Variants in CCSER1 observed in about 807,000 individuals in gnomAD.
The protein encoded by CCSER1 is coiled-coil serine rich protein 1, also known as serine-rich coiled-coil domain-containing protein 1.
In CCSER1, 41 loss-of-function variants were observed where a neutral mutation model predicts 82.0. The observed-to-expected ratio is 0.50, with a 90% CI of 0.39 to 0.65. CCSER1 has a LOEUF of 0.65. CCSER1 is among the 30% of genes least tolerant of loss of function. The pLI, the probability that CCSER1 is intolerant of heterozygous loss-of-function variation, is 0.00. For synonymous variants in CCSER1, 414 were observed against 383.9 expected, an observed-to-expected ratio of 1.08 and a Z score of -0.92; for missense variants, 1,119 against 1,064.2, an observed-to-expected ratio of 1.05 and a Z score of -0.72.
At chr4:90,837,138 C>T (rs1273417242) in intron 8 of CCSER1, among the ~76,000 whole-genome samples, 10 of 152,126 alleles carry the variant, frequency 6.6e-5, no homozygotes, top group Admixed American at 4.6e-4. Context: ...ATAGATGACT[C>T]ACATTCAGTT....
chr4:90,405,269 TC>T (rs1753549053), intron 4 of CCSER1, among the ~76,000 whole-genome samples: 1 of 151,820 alleles, frequency 6.6e-6, no homozygotes, highest in South Asian at 2.1e-4. Flanking sequence ...ACTTCAGAGC[TC>T]AAAGACAAGG....
Position 90,619,761 on chromosome 4 carries a change from A to G in CCSER1, c.1725-8264A>G, listed in dbSNP as rs952697613. The stretch of plus-strand genomic sequence containing the variant: ...GTAAACAGATTTGGTGTGTATCTTT[A>G]TGTGTATAGAATTTTTAAACAATAA... On this transcript the variant is annotated intron_variant, in intron 5 of 10. Transcript: ENST00000509176. Among the ~76,000 whole-genome samples, 8 of 152,132 alleles carry G rather than the reference A, an allele frequency of 5.3e-5. No individual in the cohort carries two copies. In the East Asian group the frequency reaches 1.3e-3, roughly 26 times the overall value.
intron 1 of CCSER1, among the ~76,000 whole-genome samples, chr4:90,238,097 T>G (rs1431397974): frequency 2.0e-5 from 3 of 152,182 alleles, no homozygotes; most frequent in Non-Finnish European, 4.4e-5. Context: ...CCCAGGGTGC[T>G]GATAAGAAAA....
At chr4:91,532,623 C>T (rs533979840) in intron 10 of CCSER1, among the ~76,000 whole-genome samples, 14 of 152,142 alleles carry the variant, frequency 9.2e-5, no homozygotes, top group African/African-American at 2.9e-4. Flanking sequence ...TGGGCGTGGT[C>T]GCTCATGTCT....
At chr4:90,852,825 CAT>C (rs1764040423) in intron 8 of CCSER1, among the ~76,000 whole-genome samples, 3 of 152,074 alleles carry the variant, frequency 2.0e-5, no homozygotes, top group Admixed American at 2.0e-4. Context: ...TTTTCAGAAA[CAT>C]ATAAAAGTTT....
At chr4:90,630,868 GATTATTATT>G (rs71596533) in intron 6 of CCSER1, among the ~76,000 whole-genome samples, 14,985 of 143,254 alleles carry the variant, frequency 0.1, 1,087 homozygotes, top group African/African-American at 0.21. Flanking sequence ...TTTGTTCACA[GATTATTATT>G]ATTATTATTA....
At chr4:91,408,152 G>C (rs958383774) in intron 10 of CCSER1, among the ~76,000 whole-genome samples, 4 of 152,162 alleles carry the variant, frequency 2.6e-5, no homozygotes, top group African/African-American at 9.7e-5. Context: ...TGTTCATGAT[G>C]TTTAAAATCA....
intron 7 of CCSER1, among the ~76,000 whole-genome samples, chr4:90,740,793 T>C (rs1430693507): frequency 6.6e-6 from 1 of 152,204 alleles, no homozygotes; most frequent in Admixed American, 6.5e-5. Flanking sequence ...GTAGTACTGA[T>C]AGAAAATTTT....
chr4:91,061,798 G>T (rs1233372145), intron 9 of CCSER1, among the ~76,000 whole-genome samples: 3 of 151,850 alleles, frequency 2.0e-5, no homozygotes, highest in Non-Finnish European at 4.4e-5. Flanking sequence ...TAGAGGCTTT[G>T]CCTATTTTGT....
At chr4:91,438,835 C>T (rs1754885255) in intron 10 of CCSER1, among the ~76,000 whole-genome samples, 1 of 152,134 alleles carries the variant, frequency 6.6e-6, no homozygotes, top group African/African-American at 2.4e-5. Flanking sequence ...GTGAAGAATG[C>T]AGAAGGCTCA....
At chr4:91,091,557 C>A (rs542566329) in intron 10 of CCSER1, among the ~76,000 whole-genome samples, 1 of 152,206 alleles carries the variant, frequency 6.6e-6, no homozygotes, top group Non-Finnish European at 1.5e-5. Context: ...ATAAGTCCCA[C>A]GACTATTTTC....
chr4:90,463,871 G>C (rs1030349423), intron 4 of CCSER1, among the ~76,000 whole-genome samples: 2 of 151,788 alleles, frequency 1.3e-5, no homozygotes, highest in Non-Finnish European at 2.9e-5. Context: ...ATCCTTAGTA[G>C]TTTTGCGAAA....
At chr4:90,508,420 C>A (rs1771013720) in intron 5 of CCSER1, among the ~76,000 whole-genome samples, 1 of 151,800 alleles carries the variant, frequency 6.6e-6, no homozygotes. Flanking sequence ...CTAGATGAAA[C>A]AAACTTGTTA....
chr4:90,708,217 G>T (rs75585297), intron 6 of CCSER1, among the ~76,000 whole-genome samples: 2 of 152,116 alleles, frequency 1.3e-5, no homozygotes, highest in African/African-American at 4.8e-5. Context: ...CATGCCTGAG[G>T]GAAAAGCCTC....
chr4:90,429,812 T>G (rs1285372398), intron 4 of CCSER1, among the ~76,000 whole-genome samples: 1 of 151,830 alleles, frequency 6.6e-6, no homozygotes, highest in East Asian at 1.9e-4. Context: ...GTCTGGTAAA[T>G]GTATAATTTG....
intron 9 of CCSER1, among the ~76,000 whole-genome samples, chr4:91,081,257 T>C (rs140724196): frequency 3.3e-5 from 5 of 152,018 alleles, no homozygotes; most frequent in African/African-American, 7.2e-5. Context: ...GTTCAACATA[T>C]GCAAATCGAT....
rs76840206 is a variant in CCSER1 at position 90,283,641 on chromosome 4, C to T, written c.-41-24603C>T. Among the ~76,000 whole-genome samples, 548 of 152,054 alleles carry T rather than the reference C, an allele frequency of 3.6e-3. 5 individuals are homozygous for T. Among genetic ancestry groups the T allele is most frequent in the Middle Eastern group, 0.014 (4 of 294 alleles). On this transcript the variant is annotated intron_variant, in intron 1 of 10. Transcript: ENST00000509176. ...TATCTAACTGCATTTTTGTACTCAT[C>T]GAGCAATCCCTCTTTATCTCTGCCT...
At chr4:91,392,711 A>G (rs764023954) in intron 10 of CCSER1, among the ~76,000 whole-genome samples, 16 of 152,252 alleles carry the variant, frequency 1.1e-4, no homozygotes, top group Non-Finnish European at 1.9e-4. Flanking sequence ...GAAATGATGC[A>G]TTTATATTTA....
At chr4:90,983,190 G>A (rs761382878) in intron 9 of CCSER1, among the ~76,000 whole-genome samples, 2 of 150,060 alleles carry the variant, frequency 1.3e-5, no homozygotes, top group Non-Finnish European at 3.0e-5. Context: ...ATTTTTTTTT[G>A]TCCTTGGATA....
Sources: gnomAD v4.1 joint callset for allele counts (sites outside exome capture counted in the v4.1 genomes callset) on GRCh38, gnomAD v4.1.1 for gene constraint, MANE v1.5 for transcripts, NCBI Gene and HGNC (gene_info 2026-07-23, HGNC 2026-07-21) for gene names.